SH3TC2: variants seen among roughly 807,000 people sequenced by gnomAD.
SH3TC2 encodes SH3 domain and tetratricopeptide repeats 2.
SH3TC2 carries 87 observed loss-of-function variants against 124.5 expected under a neutral mutation model. That is an observed-to-expected ratio of 0.70 (90% CI 0.59 to 0.84). The LOEUF is 0.84. Among genes scored for constraint, SH3TC2 ranks in the 40% least tolerant of loss-of-function variants. The probability of loss-of-function intolerance (pLI) is 0.00; values close to 1 mark genes in which losing one functional copy is unlikely to be tolerated. For synonymous variants in SH3TC2, 634 were observed against 628.5 expected (o/e 1.01, Z -0.13); for missense variants, 1,536 against 1,566.4 (o/e 0.98, Z 0.33).
chr5:149,028,502 C>T lies in SH3TC2; in HGVS notation c.1230G>A (p.Glu410=), dbSNP rs780289510. 1.4e-5 allele frequency: 23 copies of T among 1,613,418 alleles called. No homozygotes were observed. In the East Asian group the frequency reaches 4.5e-4, roughly 31 times the overall value. Residue 410 remains glutamate (E), a synonymous_variant, in exon 11 of 17, where the codon GAG becomes GAA. Coordinates refer to ENST00000515425, the MANE Select transcript of SH3TC2 (RefSeq NM_024577.4). The stretch of plus-strand genomic sequence containing the variant: ...ACTGTCTGGACCCCACGGCCTGATG[C>T]TCCTCCCAGGCTCTGCCAGGCCTGA... The part of the protein sequence containing the change: ...KEVRPGRAWE[E]HQAVGSRQSS...
At chr5:149,059,807 A>T (rs1249156072) in intron 1 of SH3TC2, among the ~76,000 whole-genome samples, 1 of 152,202 alleles carries the variant, frequency 6.6e-6, no homozygotes, top group Admixed American at 6.5e-5. Flanking sequence ...AAGGAGAATG[A>T]GATTGGAAAG....
chr5:149,026,458 G>T, intron 12 of SH3TC2, 114 bp downstream of exon 12: 1 of 1,325,412 alleles, frequency 7.5e-7, no homozygotes, highest in Non-Finnish European at 1.1e-6. Flanking sequence ...TTGCTCTTTT[G>T]CACAAAGCCC....
In SH3TC2 at chr5:149,026,082, T is replaced by A. The variant is rs144699986; in HGVS notation, c.3053+490A>T. ...TACCATGACATTTTACACCCCTGCT[T>A]TCAGTGGGGGTGACCTTTCTTTAAA... is the stretch of plus-strand genomic sequence containing the variant. On this transcript the variant is annotated intron_variant, in intron 12 of 16. Coordinates refer to ENST00000515425, the MANE Select transcript of SH3TC2 (RefSeq NM_024577.4). 1,110 of 156,846 alleles carry A rather than the reference T, an allele frequency of 7.1e-3. 11 individuals carry two copies. The highest frequency in any genetic ancestry group is 0.026 in the African/African-American group (1,072 of 41,590). The allele number at this position is 156,846 out of a possible 1,614,324, so 9.7% of individuals were successfully genotyped here. A position where few individuals can be genotyped will look rare whatever the true frequency, so the allele number is the denominator to read the frequency against.
Position 149,047,701 on chromosome 5 carries a change from G to A in SH3TC2, c.279+161C>T, listed in dbSNP as rs1754487662. ...TTCCTGCCCACTCCTCTCCACTCCTGTGCAGAGAATGTGCACGGAATCTTT... is the reference window on the plus strand; with the variant it reads ...TTCCTGCCCACTCCTCTCCACTCCTATGCAGAGAATGTGCACGGAATCTTT... On this transcript the variant is annotated intron_variant, in intron 3 of 16. Coordinates refer to ENST00000515425, the MANE Select transcript of SH3TC2 (RefSeq NM_024577.4). 4.6e-5 allele frequency: 45 copies of A among 983,234 alleles called. 1 individual carries two copies. Among genetic ancestry groups the A allele is most frequent in the South Asian group, 4.1e-4 (30 of 73,186 alleles). 60.9% of individuals were successfully genotyped at this position (983,234 alleles called of 1,614,324 possible).
intron 8 of SH3TC2, among the ~76,000 whole-genome samples, chr5:149,036,985 T>A (rs1754293333): frequency 6.6e-6 from 1 of 152,164 alleles, no homozygotes; most frequent in Admixed American, 6.5e-5. Context: ...AAGCCAGGTT[T>A]CATTTCCTAG....
At position 149,028,662 on chromosome 5, in the gene SH3TC2, A is replaced by G; in HGVS notation, c.1177+15T>C. 1 of 1,614,224 alleles carries G rather than the reference A, an allele frequency of 6.2e-7. No homozygotes were observed. Among genetic ancestry groups the G allele is most frequent in the Non-Finnish European group, 8.5e-7 (1 of 1,180,038 alleles). Reference sequence around the variant, plus strand: ...CTCAAGGATGAATGTCAGGTTCAGCATGATCGCTACTCACCACTCAGATCA... The same window carrying G: ...CTCAAGGATGAATGTCAGGTTCAGCGTGATCGCTACTCACCACTCAGATCA... On this transcript the variant is annotated intron_variant, in intron 10 of 16. Coordinates refer to ENST00000515425, the MANE Select transcript of SH3TC2 (RefSeq NM_024577.4).
Position 149,044,638 on chromosome 5 carries a change from C to T in SH3TC2, c.280G>A (p.Asp94Asn), listed in dbSNP as rs1413626521. The T allele has an allele frequency of 1.2e-6, 2 of 1,613,258 alleles. No homozygotes were observed. Among genetic ancestry groups the T allele is most frequent in the Non-Finnish European group, 1.7e-6 (2 of 1,179,310 alleles). ...EDQEVRMLFK[D>N]LSARLVSIQS... ...ATACTGACCAACCTTGCTGAGAGGT[C>T]CTACGTAAAGGAAACAATGAGTCAG... is the stretch of plus-strand genomic sequence containing the variant. Residue 94 changes from aspartate to asparagine, a missense_variant and splice_region_variant, in exon 4 of 17, where the codon GAC becomes AAC. Coordinates refer to ENST00000515425, the MANE Select transcript of SH3TC2 (RefSeq NM_024577.4).
In SH3TC2 at chr5:149,001,292, G is replaced by A. The variant is rs753848228; in HGVS notation, c.*3419C>T. The stretch of plus-strand genomic sequence containing the variant: ...TTCAGAATGTTAATACTGTTGGACA[G>A]GGAACTAGTATACCTGAAAGCTGAG... On this transcript the variant is annotated 3_prime_UTR_variant, in exon 17 of 17. Coordinates refer to ENST00000515425, the MANE Select transcript of SH3TC2 (RefSeq NM_024577.4). 6 of 152,276 alleles carry A rather than the reference G, an allele frequency of 3.9e-5. No individual in the cohort carries two copies. The highest frequency in any genetic ancestry group is 7.4e-5 in the Non-Finnish European group (5 of 68,014). 9.4% of individuals were successfully genotyped at this position (152,276 alleles called of 1,614,324 possible). A position where few individuals can be genotyped will look rare whatever the true frequency, so the allele number is the denominator to read the frequency against.
chr5:148,990,980 C>T lies in SH3TC2; in HGVS notation c.*13731G>A, dbSNP rs1753411358. On this transcript the variant is annotated 3_prime_UTR_variant, in exon 17 of 17. Transcript: ENST00000515425. ...GGTCCCAAAGCTATCTGACTCCAAG[C>T]CCTGAGGTCCCAGCCAAGTTCACAA... is the stretch of plus-strand genomic sequence containing the variant. Among the ~76,000 whole-genome samples, 1 of 152,126 alleles carries T rather than the reference C, an allele frequency of 6.6e-6. No individual in the cohort carries two copies. The highest frequency in any genetic ancestry group is 1.5e-5 in the Non-Finnish European group (1 of 68,014).
intron 12 of SH3TC2, 135 bp downstream of exon 12, chr5:149,026,437 C>T (rs1754063597): frequency 5.9e-6 from 6 of 1,023,992 alleles, no homozygotes; most frequent in Admixed American, 1.8e-5. Flanking sequence ...ATTGTGGTGG[C>T]TGCAGAGCCC....
intron 12 of SH3TC2, among the ~76,000 whole-genome samples, chr5:149,022,456 G>A (rs1217898295): frequency 4.6e-5 from 7 of 152,170 alleles, no homozygotes; most frequent in Admixed American, 4.6e-4. Context: ...GAAAAATAGT[G>A]CAGCCACTTT....
intron 5 of SH3TC2, among the ~76,000 whole-genome samples, chr5:149,042,383 A>G (rs563447231): frequency 6.6e-6 from 1 of 152,358 alleles, no homozygotes; most frequent in African/African-American, 2.4e-5. Flanking sequence ...AAAACTTTCC[A>G]AAATATGCCA....
At chr5:149,056,161 A>G (rs1292352492) in intron 1 of SH3TC2, among the ~76,000 whole-genome samples, 23 of 151,774 alleles carry the variant, frequency 1.5e-4, no homozygotes, top group Admixed American at 1.5e-3. Context: ...TTTGGTTCTT[A>G]GGTAAACTTA....
At position 149,044,616 on chromosome 5, in the gene SH3TC2, C is replaced by T. The variant is rs199603042; in HGVS notation, c.302G>A (p.Ser101Asn). The T allele has an allele frequency of 1.1e-5, 17 of 1,614,050 alleles. No homozygotes were observed. In the East Asian group the frequency reaches 3.6e-4, roughly 34 times the overall value. The change falls in exon 4 of 17, where the codon AGT becomes AAT. Residue 101 changes from serine (S) to asparagine (N), a missense_variant. By Grantham distance (46) the Ser-to-Asn change is conservative. Coordinates refer to ENST00000515425, the MANE Select transcript of SH3TC2 (RefSeq NM_024577.4). ...AAACTGGGCCCTCTGAGACTGGATACTGACCAACCTTGCTGAGAGGTCCTA... is the reference window on the plus strand; with the variant it reads ...AAACTGGGCCCTCTGAGACTGGATATTGACCAACCTTGCTGAGAGGTCCTA... ...LFKDLSARLV[S>N]IQSQRAQFLI...
At chr5:149,039,342 T>C (rs1420260719) in intron 7 of SH3TC2, among the ~76,000 whole-genome samples, 1 of 152,224 alleles carries the variant, frequency 6.6e-6, no homozygotes, top group East Asian at 1.9e-4. Context: ...GTATGAGATT[T>C]GTCTAAGGAT....
At chr5:149,037,622 C>A (rs1270573682) in intron 8 of SH3TC2, among the ~76,000 whole-genome samples, 1 of 152,152 alleles carries the variant, frequency 6.6e-6, no homozygotes, top group Non-Finnish European at 1.5e-5. Context: ...GTACTTCCTG[C>A]GCCCAGGCTT....
In SH3TC2 at chr5:149,047,912, G is replaced by A. The variant is rs185149793; in HGVS notation, c.229C>T (p.Arg77Trp). 2.3e-4 allele frequency: 368 copies of A among 1,614,116 alleles called. 4 individuals carry two copies. In the East Asian group the frequency reaches 7.6e-3, roughly 33 times the overall value. ...NGPLQEAARRRLWALENEDQE... is the reference protein window; with the variant it reads ...NGPLQEAARRWLWALENEDQE... ...TCCTCATTCTCCAGTGCCCAGAGCCGCCTCCGAGCAGCTTCCTGTAGGGGT... is the reference window on the plus strand; with the variant it reads ...TCCTCATTCTCCAGTGCCCAGAGCCACCTCCGAGCAGCTTCCTGTAGGGGT... Residue 77 changes from arginine (R) to tryptophan (W), a missense_variant, in exon 3 of 17, where the codon CGG becomes TGG. This residue lies in a region of SH3TC2 where 1,102 missense variants were observed against 1,098.6 expected (regional missense o/e 1.00). Coordinates refer to ENST00000515425, the MANE Select transcript of SH3TC2 (RefSeq NM_024577.4).
At chr5:149,021,253 C>T (rs1753963276) in intron 12 of SH3TC2, among the ~76,000 whole-genome samples, 1 of 152,016 alleles carries the variant, frequency 6.6e-6, no homozygotes, top group Admixed American at 6.6e-5. Context: ...ATAAACACAG[C>T]ATACTGAAAT....
chr5:149,035,975 A>C (rs1754276473), intron 8 of SH3TC2: 1 of 152,240 alleles, frequency 6.6e-6, no homozygotes, highest in South Asian at 2.1e-4. Flanking sequence ...CAACAACGGC[A>C]ATGACACAAA....
Sources: allele counts gnomAD v4.1 joint callset (sites outside exome capture counted in the v4.1 genomes callset), GRCh38; gene constraint gnomAD v4.1.1; regional missense constraint gnomAD v4.1.1; transcripts MANE v1.5; gene names NCBI Gene and HGNC (gene_info 2026-07-23, HGNC 2026-07-21).